Variants in DMD observed in about 807,000 individuals in gnomAD.
The protein encoded by DMD is mutant dystrophin.
DMD carries 63 observed loss-of-function variants against 330.1 expected under a neutral mutation model. The observed-to-expected ratio is 0.19, with a 90% CI of 0.16 to 0.24. The LOEUF (loss-of-function observed/expected upper bound fraction) is 0.24, where lower values mean the gene tolerates loss of function less well. Ranked by LOEUF, DMD falls within the 10% of genes least tolerant of loss-of-function variation. The pLI, the probability that DMD is intolerant of heterozygous loss-of-function variation, is 1.00. For missense variants in DMD, 3,344 were observed against 2,684.1 expected (o/e 1.25, Z -5.43); for synonymous variants, 1,223 against 959.8 (o/e 1.27, Z -5.07).
intron 18 of DMD, among the ~76,000 whole-genome samples, chrX:32,514,921 A>T (rs2045708160): frequency 8.9e-6 from 1 of 112,074 alleles, no homozygotes; most frequent in Non-Finnish European, 1.9e-5. Flanking sequence ...TGGTTGAAAA[A>T]ATCTACTAAC....
At chrX:32,861,739 C>G (rs796419895) in intron 2 of DMD, among the ~76,000 whole-genome samples, 1 of 111,503 alleles carries the variant, frequency 9.0e-6, no homozygotes, top group Admixed American at 9.5e-5. Context: ...TTGGCCAAAT[C>G]CAACTAGTAG....
intron 7 of DMD, among the ~76,000 whole-genome samples, chrX:32,778,790 A>G (rs2074421622): frequency 1.8e-5 from 2 of 111,299 alleles, no homozygotes; most frequent in South Asian, 7.6e-4. Context: ...GTGACTACAT[A>G]GTGTGCACTC....
chrX:31,180,508 A>G (rs1218715358), intron 68 of DMD, 27 bp from the exon 69 acceptor site: 2 of 967,662 alleles, frequency 2.1e-6, no homozygotes, highest in African/African-American at 1.9e-5. Flanking sequence ...ACAAACACGT[A>G]TGTATTTCTT....
At chrX:32,569,342 A>G (rs755747525) in intron 15 of DMD, among the ~76,000 whole-genome samples, 113 of 112,132 alleles carry the variant, frequency 1.0e-3, no homozygotes, top group African/African-American at 3.5e-3. Context: ...TTCCACCTAT[A>G]TTATGTGTAG....
intron 12 of DMD, among the ~76,000 whole-genome samples, chrX:32,607,499 T>C (rs2056828197): frequency 9.1e-6 from 1 of 110,074 alleles, no homozygotes; most frequent in Non-Finnish European, 1.9e-5. Flanking sequence ...TTCCAATGAA[T>C]AAGAGAGTAC....
intron 44 of DMD, among the ~76,000 whole-genome samples, chrX:32,180,305 T>C (rs1276344101): frequency 8.9e-6 from 1 of 111,888 alleles, no homozygotes; most frequent in African/African-American, 3.3e-5. Flanking sequence ...CTTCTAGGTT[T>C]TTGATAGGAG....
intron 9 of DMD, among the ~76,000 whole-genome samples, chrX:32,693,192 C>G (rs902764644): frequency 2.7e-5 from 3 of 111,688 alleles, no homozygotes; most frequent in Non-Finnish European, 5.6e-5. Context: ...CTAGAAAAGG[C>G]ATGGAAATGG....
rs1415546720 is a variant in DMD, at chrX:32,569,540, A to G, written c.1813-3659T>C. On this transcript the variant is annotated intron_variant, in intron 15 of 78. Transcript: ENST00000357033. The stretch of plus-strand genomic sequence containing the variant: ...TCAGTAGGTCTGAAGATGGCCTAAC[A>G]ATGTGCATTCCTAACAAATTTCCTT... 1.8e-4 allele frequency among the ~76,000 whole-genome samples: 20 copies of G among 111,643 alleles called. No individual in the cohort carries two copies. In the Admixed American group the frequency reaches 1.9e-3, roughly 11 times the overall value.
intron 44 of DMD, among the ~76,000 whole-genome samples, chrX:32,181,924 C>A (rs1227982635): frequency 8.9e-6 from 1 of 112,131 alleles, no homozygotes; most frequent in Non-Finnish European, 1.9e-5. Context: ...TTATACATTT[C>A]TTTTAATCTT....
chrX:31,998,229 C>G (rs1269453145), intron 44 of DMD, among the ~76,000 whole-genome samples: 2 of 112,138 alleles, frequency 1.8e-5, no homozygotes, highest in Non-Finnish European at 3.8e-5. Flanking sequence ...CAAAAACTAT[C>G]AGTTCCTTTA....
chrX:32,463,515 G>C lies in DMD; in HGVS notation c.3356C>G (p.Ala1119Gly), dbSNP rs1487265817. 2 of 1,204,238 alleles carry C rather than the reference G, an allele frequency of 1.7e-6. No homozygotes were observed. The highest frequency in any genetic ancestry group is 1.8e-5 in the South Asian group (1 of 55,630). Residue 1119 changes from alanine to glycine, a missense_variant, in exon 25 of 79, where the codon GCA (alanine) becomes GGA (glycine). Transcript: ENST00000357033. ...AAGTCTCGAAGCAAACTCTGGCTCT[G>C]CTTCATTCTTTATCTTCTGCCCACC... Reference protein sequence around the residue: ...NEGGQKIKNEAEPEFASRLET... With the variant: ...NEGGQKIKNEGEPEFASRLET...
intron 1 of DMD, among the ~76,000 whole-genome samples, chrX:33,025,597 G>A (rs2093981708): frequency 8.9e-6 from 1 of 112,146 alleles, no homozygotes; most frequent in Non-Finnish European, 1.9e-5. Flanking sequence ...CTGTTCCCCA[G>A]GCTGGAGTGC....
chrX:32,701,656 T>C (rs373239111), intron 7 of DMD, among the ~76,000 whole-genome samples: 28 of 111,591 alleles, frequency 2.5e-4, no homozygotes, highest in African/African-American at 8.8e-4. Context: ...TCATTTTTAG[T>C]ATATTAAATA....
At chrX:32,204,089 G>A (rs377562378) in intron 44 of DMD, among the ~76,000 whole-genome samples, 18 of 111,455 alleles carry the variant, frequency 1.6e-4, no homozygotes, top group African/African-American at 5.9e-4. Flanking sequence ...TTGTCCTGTA[G>A]TCAGTGGTAT....
At chrX:33,071,053 C>T (rs1206231032) in intron 1 of DMD, among the ~76,000 whole-genome samples, 5 of 111,007 alleles carry the variant, frequency 4.5e-5, no homozygotes, top group Non-Finnish European at 9.4e-5. Context: ...GAACATTATA[C>T]TTGAAGTTAG....
At chrX:33,208,613 T>G (rs1309566730) in intron 1 of DMD, among the ~76,000 whole-genome samples, 1 of 110,885 alleles carries the variant, frequency 9.0e-6, no homozygotes, top group Admixed American at 9.7e-5. Context: ...AACAGAAAAT[T>G]ATCTTTAAAG....
intron 67 of DMD, among the ~76,000 whole-genome samples, chrX:31,203,608 G>A (rs764111832): frequency 8.9e-6 from 1 of 112,475 alleles, no homozygotes; most frequent in South Asian, 3.7e-4. Context: ...TAGAATTAGA[G>A]AAAGGACTCA....
chrX:33,124,505 A>C (rs1262333198), intron 1 of DMD, among the ~76,000 whole-genome samples: 6 of 96,903 alleles, frequency 6.2e-5, no homozygotes, highest in Non-Finnish European at 1.3e-4. Flanking sequence ...AAAAAAAAAA[A>C]AAAAACCGAA....
intron 55 of DMD, among the ~76,000 whole-genome samples, chrX:31,554,079 A>G (rs994347491): frequency 7.1e-5 from 8 of 112,479 alleles, no homozygotes; most frequent in African/African-American, 2.6e-4. Flanking sequence ...GTGGGAGCAG[A>G]TATTTTTTTC....
Sources: gnomAD v4.1 joint callset for allele counts (sites outside exome capture counted in the v4.1 genomes callset) on GRCh38, gnomAD v4.1.1 for gene constraint, MANE v1.5 for transcripts, NCBI Gene and HGNC (gene_info 2026-07-23, HGNC 2026-07-21) for gene names.